PRKD1: variants seen among roughly 807,000 people sequenced by gnomAD.
PRKD1 encodes the protein protein kinase D1.
PRKD1 carries 63 observed loss-of-function variants against 95.9 expected under a neutral mutation model. That is an observed-to-expected ratio of 0.66 (90% CI 0.54 to 0.81). PRKD1 has a LOEUF of 0.81. Ranked by LOEUF, PRKD1 falls within the 30% of genes least tolerant of loss-of-function variation. The probability of loss-of-function intolerance (pLI) is 0.00; values close to 1 mark genes in which losing one functional copy is unlikely to be tolerated. For synonymous variants in PRKD1, 425 were observed against 423.1 expected (o/e 1.00, Z -0.05); for missense variants, 1,048 against 1,165.3 (o/e 0.90, Z 1.47).
chr14:29,906,836 G>C (rs1356691053), intron 1 of PRKD1, among the ~76,000 whole-genome samples: 1 of 152,170 alleles, frequency 6.6e-6, no homozygotes, highest in Non-Finnish European at 1.5e-5. Flanking sequence ...AGCTAACATG[G>C]GGTGATTGGG....
intron 2 of PRKD1, among the ~76,000 whole-genome samples, chr14:29,675,527 G>A (rs975122044): frequency 3.9e-5 from 6 of 152,076 alleles, no homozygotes; most frequent in African/African-American, 1.4e-4. Context: ...TTACACTGTT[G>A]GTGAGACTGT....
At position 29,927,309 on chromosome 14, in the gene PRKD1, C is replaced by G. The variant is rs1428433076; in HGVS notation, c.204G>C (p.Ser68=). ...CGTGCGCCAGGCTGTAGTCCCCGGA[C>G]GAGTCCTGCAGCAGCAGCACCGGCT... ...SREPVLLLQD[S]SGDYSLAHVR... The change falls in exon 1 of 18, where the codon TCG becomes TCC. Residue 68 remains serine (S), a synonymous_variant. Coordinates refer to ENST00000331968, the MANE Select transcript of PRKD1 (RefSeq NM_002742.3). 6.4e-7 allele frequency: 1 copy of G among 1,554,938 alleles called. No homozygotes were observed. The highest frequency in any genetic ancestry group is 2.5e-5 in the East Asian group (1 of 39,614).
chr14:29,782,526 A>C (rs1889092174), intron 1 of PRKD1, among the ~76,000 whole-genome samples: 1 of 151,828 alleles, frequency 6.6e-6, no homozygotes, highest in Admixed American at 6.6e-5. Flanking sequence ...AAATATTTCA[A>C]TTGCTTTTGT....
intron 1 of PRKD1, among the ~76,000 whole-genome samples, chr14:29,804,391 G>C (rs930257858): frequency 1.3e-5 from 2 of 152,084 alleles, no homozygotes; most frequent in African/African-American, 2.4e-5. Flanking sequence ...CTGATACCAA[G>C]AATCATAACA....
chr14:29,867,449 C>T (rs189103630), intron 1 of PRKD1, among the ~76,000 whole-genome samples: 75 of 152,240 alleles, frequency 4.9e-4, no homozygotes, highest in South Asian at 2.1e-3. Context: ...TGAGAAAGAT[C>T]CTGGCCTCAT....
chr14:29,654,839 T>C (rs1421342847), intron 4 of PRKD1, among the ~76,000 whole-genome samples: 2 of 152,224 alleles, frequency 1.3e-5, no homozygotes, highest in Non-Finnish European at 2.9e-5. Flanking sequence ...CTAAAACATT[T>C]CTCTGAAGAA....
intron 16 of PRKD1, among the ~76,000 whole-genome samples, chr14:29,590,167 ACTGGTCTTTATC>A (rs1893080210): frequency 6.6e-6 from 1 of 152,174 alleles, no homozygotes; most frequent in Non-Finnish European, 1.5e-5. Flanking sequence ...ATAAGATAAA[ACTGGTCTTTATC>A]ACAGATAGTT....
chr14:29,640,527 G>A lies in PRKD1; in HGVS notation c.697-1623C>T, dbSNP rs998309507. On this transcript the variant is annotated intron_variant, in intron 4 of 17. Transcript: ENST00000331968. ...CTGTAAAGCATAATTATTCTGGAAA[G>A]GTTCAACTCTTGCAGATAAGTCTAG... Among the ~76,000 whole-genome samples the A allele has an allele frequency of 5.3e-5, 8 of 152,276 alleles. No individual in the cohort carries two copies. The South Asian group carries it at 1.5e-3, about 28-fold the overall frequency.
At chr14:29,679,553 C>T (rs555363452) in intron 2 of PRKD1, among the ~76,000 whole-genome samples, 2 of 152,246 alleles carry the variant, frequency 1.3e-5, no homozygotes, top group East Asian at 3.9e-4. Flanking sequence ...ATTATATATT[C>T]TAGCTAAAGA....
In PRKD1 at chr14:29,890,782, G is replaced by A. The variant is rs118002258; in HGVS notation, c.264+36467C>T. The stretch of plus-strand genomic sequence containing the variant: ...AGAAACAAATTATACCAAGAAACCT[G>A]ATTGCCATTTGACACTGCATACCCT... On this transcript the variant is annotated intron_variant, in intron 1 of 17. Transcript: ENST00000331968. Among the ~76,000 whole-genome samples the A allele has an allele frequency of 7.8e-4, 119 of 152,232 alleles. 1 individual carries two copies. In the East Asian group the frequency reaches 0.022, roughly 28 times the overall value.
intron 1 of PRKD1, among the ~76,000 whole-genome samples, chr14:29,803,327 T>C (rs544188313): frequency 3.8e-4 from 58 of 152,226 alleles, no homozygotes; most frequent in Non-Finnish European, 7.3e-4. Flanking sequence ...CTAGCAAGAA[T>C]ATTTTAAGGT....
chr14:29,925,365 C>T (rs1895260269), intron 1 of PRKD1, among the ~76,000 whole-genome samples: 1 of 152,150 alleles, frequency 6.6e-6, no homozygotes, highest in African/African-American at 2.4e-5. Flanking sequence ...GGTATGATGT[C>T]GCTATGAAAA....
intron 1 of PRKD1, among the ~76,000 whole-genome samples, chr14:29,842,718 T>C (rs954973474): frequency 2.6e-5 from 4 of 152,234 alleles, no homozygotes; most frequent in Non-Finnish European, 4.4e-5. Flanking sequence ...TGTATGCTAA[T>C]TGTCCATCAG....
chr14:29,887,766 G>A (rs963757761), intron 1 of PRKD1, among the ~76,000 whole-genome samples: 3 of 152,104 alleles, frequency 2.0e-5, no homozygotes, highest in African/African-American at 7.2e-5. Context: ...AGTATTCAGT[G>A]CAGTAATGTG....
chr14:29,737,670 C>T (rs190934357), intron 1 of PRKD1, among the ~76,000 whole-genome samples: 1 of 152,140 alleles, frequency 6.6e-6, no homozygotes, highest in African/African-American at 2.4e-5. Flanking sequence ...AGTGTTCTAA[C>T]AAGAATGCCT....
chr14:29,868,091 G>A (rs907267470), intron 1 of PRKD1, among the ~76,000 whole-genome samples: 4 of 152,084 alleles, frequency 2.6e-5, no homozygotes, highest in East Asian at 1.9e-4. Context: ...GCTGTTCCTC[G>A]ACTTCAATAA....
intron 1 of PRKD1, among the ~76,000 whole-genome samples, chr14:29,785,223 T>C (rs1889213755): frequency 6.6e-6 from 1 of 152,170 alleles, no homozygotes; most frequent in Non-Finnish European, 1.5e-5. Flanking sequence ...TAAACTGATA[T>C]TGCCAATAAA....
At chr14:29,840,980 C>T (rs895778685) in intron 1 of PRKD1, among the ~76,000 whole-genome samples, 1 of 152,172 alleles carries the variant, frequency 6.6e-6, no homozygotes, top group African/African-American at 2.4e-5. Context: ...ATCAGCATGA[C>T]CTGGATGTGA....
At chr14:29,693,981 C>A (rs1340822460) in intron 2 of PRKD1, among the ~76,000 whole-genome samples, 1 of 152,110 alleles carries the variant, frequency 6.6e-6, no homozygotes, top group Non-Finnish European at 1.5e-5. Flanking sequence ...TCATCCTTAC[C>A]CTTTTTAATA....
Sources: gnomAD v4.1 joint callset for allele counts (sites outside exome capture counted in the v4.1 genomes callset) on GRCh38, gnomAD v4.1.1 for gene constraint, MANE v1.5 for transcripts, NCBI Gene and HGNC (gene_info 2026-07-23, HGNC 2026-07-21) for gene names.